The following SDK2 variants were observed in gnomAD, a reference collection of about 807,000 sequenced individuals.
SDK2 encodes protein sidekick-2.
A neutral mutation model predicts 253.9 loss-of-function variants in SDK2; 105 were observed. The ratio of observed to expected loss-of-function variants is 0.41; its 90% confidence interval spans 0.35 to 0.49. The LOEUF is 0.49. SDK2 is among the 20% of genes least tolerant of loss of function. The pLI is 0.06. For missense variants in SDK2, 2,608 were observed against 3,003.0 expected (o/e 0.87, Z 3.07); for synonymous variants, 1,249 against 1,234.9 (o/e 1.01, Z -0.24).
intron 3 of SDK2, among the ~76,000 whole-genome samples, chr17:73,459,131 C>A (rs919933672): frequency 6.6e-6 from 1 of 152,164 alleles, no homozygotes; most frequent in Non-Finnish European, 1.5e-5. Context: ...CCCCACCAAG[C>A]CTTTCAACTT....
rs190625225 is a variant in SDK2 at position 73,618,265 on chromosome 17, C to T, written c.64+25760G>A. 6.6e-6 allele frequency among the ~76,000 whole-genome samples: 1 copy of T among 152,304 alleles called. No individual in the cohort carries two copies. The highest frequency in any genetic ancestry group is 6.5e-5 in the Admixed American group (1 of 15,300). On this transcript the variant is annotated intron_variant, in intron 1 of 44. Coordinates refer to ENST00000392650, the MANE Select transcript of SDK2 (RefSeq NM_001144952.2). The surrounding 1 kb of genome is among the most constrained non-coding windows in gnomAD (Gnocchi z 4.1). ...CTTAATTAGACCCCATACCTTTGCC[C>T]AGCCTCATTTTATGTTTTGCTTCTG...
Position 73,465,126 on chromosome 17 carries a change from C to T in SDK2, c.331+6986G>A, listed in dbSNP as rs980163367. ...AAGCATCCTGCATTCAATACCCACA[C>T]CTCAGGCTGAAAATGAAGAGAAACA... is the stretch of plus-strand genomic sequence containing the variant. On this transcript the variant is annotated intron_variant, in intron 3 of 44. Coordinates refer to ENST00000392650, the MANE Select transcript of SDK2 (RefSeq NM_001144952.2). The surrounding 1 kb of genome is among the most constrained non-coding windows in gnomAD (Gnocchi z 4.2). Among the ~76,000 whole-genome samples the T allele has an allele frequency of 2.0e-5, 3 of 152,168 alleles. No homozygotes were observed. Among genetic ancestry groups the T allele is most frequent in the African/African-American group, 7.2e-5 (3 of 41,440 alleles).
At chr17:73,506,305 G>A (rs1471156971) in intron 2 of SDK2, among the ~76,000 whole-genome samples, 1 of 152,200 alleles carries the variant, frequency 6.6e-6, no homozygotes, top group Non-Finnish European at 1.5e-5. Flanking sequence ...TGGAGAACCG[G>A]AGGCCCAGAG....
intron 40 of SDK2, among the ~76,000 whole-genome samples, chr17:73,357,118 G>C (rs2062598408): frequency 6.6e-6 from 1 of 152,220 alleles, no homozygotes; most frequent in African/African-American, 2.4e-5. Context: ...TGAGCAGCTA[G>C]ATGTATTCGC....
chr17:73,596,235 G>A (rs2045756732), intron 1 of SDK2, among the ~76,000 whole-genome samples: 1 of 152,122 alleles, frequency 6.6e-6, no homozygotes, highest in Non-Finnish European at 1.5e-5. Context: ...AGGGTGAGTG[G>A]GGAGGCAGTG....
chr17:73,597,374 C>T (rs1453529508), intron 1 of SDK2, among the ~76,000 whole-genome samples: 1 of 152,168 alleles, frequency 6.6e-6, no homozygotes, highest in Non-Finnish European at 1.5e-5. Context: ...TGACCATAGG[C>T]AAATTATTTA....
chr17:73,595,281 G>C (rs549875827), intron 1 of SDK2, among the ~76,000 whole-genome samples: 1 of 152,272 alleles, frequency 6.6e-6, no homozygotes, highest in East Asian at 1.9e-4. Context: ...GCGTGGCCCT[G>C]TGTCGGAGAG....
chr17:73,475,587 T>C (rs1293170918), intron 2 of SDK2, among the ~76,000 whole-genome samples: 1 of 152,174 alleles, frequency 6.6e-6, no homozygotes, highest in Non-Finnish European at 1.5e-5. Context: ...CAAAATGGAA[T>C]TGGATCAATA....
At chr17:73,412,115 T>TAC (rs2063141656) in intron 18 of SDK2, among the ~76,000 whole-genome samples, 1 of 51,382 alleles carries the variant, frequency 1.9e-5, no homozygotes, top group Admixed American at 2.3e-4. Flanking sequence ...TACGTATATA[T>TAC]GTATACGTAT....
intron 1 of SDK2, among the ~76,000 whole-genome samples, chr17:73,561,061 C>G (rs1306054788): frequency 6.6e-6 from 1 of 152,194 alleles, no homozygotes; most frequent in African/African-American, 2.4e-5. Flanking sequence ...GAGGAGAGAC[C>G]CAGCCTCGCT....
chr17:73,369,749 C>T lies in SDK2; in HGVS notation c.4981-1156G>A, dbSNP rs534112196. Among the ~76,000 whole-genome samples the T allele has an allele frequency of 3.3e-5, 5 of 152,282 alleles. No individual in the cohort carries two copies. The South Asian group carries it at 1.0e-3, about 32-fold the overall frequency. Reference sequence around the variant, plus strand: ...TCTTGCTCCGCCTCACGGGTTCACGCCATTCTCCTGCCTCAGCCTCCCGAG... The same window carrying T: ...TCTTGCTCCGCCTCACGGGTTCACGTCATTCTCCTGCCTCAGCCTCCCGAG... On this transcript the variant is annotated intron_variant, in intron 36 of 44. Coordinates refer to ENST00000392650, the MANE Select transcript of SDK2 (RefSeq NM_001144952.2).
At chr17:73,526,472 G>GT (rs1567823545) in intron 1 of SDK2, among the ~76,000 whole-genome samples, 1 of 152,172 alleles carries the variant, frequency 6.6e-6, no homozygotes, top group Admixed American at 6.5e-5. Context: ...AAATGCAGAC[G>GT]TATCTCTCAG....
rs147414390 is a variant in SDK2 at position 73,584,904 on chromosome 17, C to T, written c.64+59121G>A. Among the ~76,000 whole-genome samples, 16 of 152,330 alleles carry T rather than the reference C, an allele frequency of 1.1e-4. No homozygotes were observed. In the East Asian group the frequency reaches 2.9e-3, roughly 28 times the overall value. On this transcript the variant is annotated intron_variant, in intron 1 of 44. Coordinates refer to ENST00000392650, the MANE Select transcript of SDK2 (RefSeq NM_001144952.2). ...ACAGGAAGACGCTCAGGTCGAAGCCCGTTGATTTGTTACAGGTGACGGATG... is the reference window on the plus strand; with the variant it reads ...ACAGGAAGACGCTCAGGTCGAAGCCTGTTGATTTGTTACAGGTGACGGATG...
chr17:73,390,615 T>C (rs1393437482), intron 28 of SDK2, 134 bp from the exon 29 acceptor site: 1 of 920,206 alleles, frequency 1.1e-6, no homozygotes, highest in Non-Finnish European at 1.6e-6. Flanking sequence ...TTGGCTGTGG[T>C]CTGTCTGCCT....
intron 2 of SDK2, among the ~76,000 whole-genome samples, chr17:73,502,084 TACACACACACACAC>T (rs5821971): frequency 1.9e-4 from 5 of 26,514 alleles, no homozygotes; most frequent in Non-Finnish European, 4.3e-4. Flanking sequence ...GTAGTGCACA[TACACACACACACAC>T]ACACACACAC....
chr17:73,462,114 C>T (rs548822609), intron 3 of SDK2, among the ~76,000 whole-genome samples: 140 of 151,044 alleles, frequency 9.3e-4, no homozygotes, highest in African/African-American at 3.3e-3. Flanking sequence ...TGTTTATGCA[C>T]GTTTGCATGC....
chr17:73,368,336 T>C, intron 37 of SDK2, 71 bp downstream of exon 37: 1 of 1,310,098 alleles, frequency 7.6e-7, no homozygotes, highest in Non-Finnish European at 9.9e-7. Context: ...AGAGCCCGGA[T>C]GCCAGGTAGG....
At chr17:73,484,415 G>A (rs2063757572) in intron 2 of SDK2, among the ~76,000 whole-genome samples, 1 of 152,196 alleles carries the variant, frequency 6.6e-6, no homozygotes, top group African/African-American at 2.4e-5. Context: ...CTCAAACTGG[G>A]AGAAGCGGCC....
intron 1 of SDK2, among the ~76,000 whole-genome samples, chr17:73,528,769 A>T (rs952539132): frequency 6.6e-6 from 1 of 152,008 alleles, no homozygotes; most frequent in Non-Finnish European, 1.5e-5. Context: ...CTCCCACTGC[A>T]TTTATCCCCT....
Sources: gnomAD v4.1 joint callset for allele counts (sites outside exome capture counted in the v4.1 genomes callset) on GRCh38, gnomAD v4.1.1 for gene constraint, Gnocchi (gnomAD v3.1) non-coding constraint, MANE v1.5 for transcripts, NCBI Gene and HGNC (gene_info 2026-07-23, HGNC 2026-07-21) for gene names.